The following COG6 variants were observed in gnomAD, a reference collection of about 807,000 sequenced individuals.
The protein encoded by COG6 is component of oligomeric golgi complex 6, also known as conserved oligomeric Golgi complex subunit 6.
Under a neutral mutation model 88.8 loss-of-function variants are expected in COG6, and 74 were observed. That is an observed-to-expected ratio of 0.83 (90% confidence interval 0.69 to 1.01). The LOEUF is 1.01. Among genes scored for constraint, COG6 ranks in the 50% least tolerant of loss-of-function variants. The probability of loss-of-function intolerance (pLI) is 0.00; values close to 1 mark genes in which losing one functional copy is unlikely to be tolerated. For synonymous variants in COG6, 286 were observed against 278.7 expected (o/e 1.03, Z -0.26); for missense variants, 800 against 797.9 (o/e 1.00, Z -0.03).
In COG6 at chr13:39,659,466, A is replaced by G. The variant is rs1874755255; in HGVS notation, c.256A>G (p.Ile86Val). The G allele has an allele frequency of 1.2e-6, 2 of 1,613,492 alleles. No homozygotes were observed. Among genetic ancestry groups the G allele is most frequent in the South Asian group, 1.1e-5 (1 of 91,074 alleles). Residue 86 changes from isoleucine to valine, a missense_variant, in exon 2 of 19, where the codon ATC (isoleucine) becomes GTC (valine). Coordinates refer to ENST00000455146, the MANE Select transcript of COG6 (RefSeq NM_020751.3). The part of the protein sequence containing the change: ...RGDIERKSLA[I>V]NEEFVSIFKE... ...AGATATTGAACGTAAAAGTTTAGCC[A>G]TCAATGAAGAATTTGTAAGCATTTT...
At chr13:39,752,723 G>A, downstream of COG6, 1 of 1,088,260 alleles carries the variant, frequency 9.2e-7, no homozygotes, top group Non-Finnish European at 1.1e-6. Flanking sequence ...TACAACATAG[G>A]GCAAAACTGA....
intron 8 of COG6, among the ~76,000 whole-genome samples, chr13:39,685,157 A>G (rs935924759): frequency 3.9e-5 from 6 of 152,100 alleles, no homozygotes; most frequent in Non-Finnish European, 7.4e-5. Context: ...CTTTAACTGT[A>G]GCTAAACACA....
intron 15 of COG6, among the ~76,000 whole-genome samples, chr13:39,721,632 T>C (rs186133099): frequency 6.6e-6 from 1 of 152,230 alleles, no homozygotes; most frequent in East Asian, 1.9e-4. Flanking sequence ...CTGGATTCGG[T>C]GTGATAGAGG....
At chr13:39,718,099 T>G (rs1878630370) in intron 13 of COG6, among the ~76,000 whole-genome samples, 1 of 152,160 alleles carries the variant, frequency 6.6e-6, no homozygotes, top group South Asian at 2.1e-4. Context: ...CATCTGGACT[T>G]CAGAGAATGT....
intron 4 of COG6, among the ~76,000 whole-genome samples, chr13:39,672,161 G>T (rs1875686236): frequency 6.6e-6 from 1 of 151,942 alleles, no homozygotes; most frequent in Non-Finnish European, 1.5e-5. Context: ...TTAAGGAGTG[G>T]AAAGTATCAA....
At chr13:39,769,112 C>A (rs549684888) in intron 18 of COG6, among the ~76,000 whole-genome samples, 2 of 147,094 alleles carry the variant, frequency 1.4e-5, no homozygotes, top group African/African-American at 5.0e-5. Flanking sequence ...AAGTTAGTCA[C>A]CCTCCTGTCA....
At chr13:39,768,929 A>G (rs1239809994) in intron 18 of COG6, among the ~76,000 whole-genome samples, 2 of 151,956 alleles carry the variant, frequency 1.3e-5, no homozygotes, top group African/African-American at 4.8e-5. Flanking sequence ...GTTTTATCAC[A>G]TATGTATGTA....
At chr13:39,701,721 T>C (rs529216592) in intron 13 of COG6, among the ~76,000 whole-genome samples, 3 of 152,026 alleles carry the variant, frequency 2.0e-5, no homozygotes, top group African/African-American at 7.2e-5. Context: ...TTTAGTCCTG[T>C]GGTGGAGATA....
intron 13 of COG6, among the ~76,000 whole-genome samples, chr13:39,708,114 A>G (rs991599177): frequency 6.6e-6 from 1 of 152,008 alleles, no homozygotes; most frequent in African/African-American, 2.4e-5. Context: ...TGTAGTTTGC[A>G]TTTTTCTCAA....
intron 18 of COG6, among the ~76,000 whole-genome samples, chr13:39,780,714 T>G (rs2138187615): frequency 6.6e-6 from 1 of 152,266 alleles, no homozygotes; most frequent in East Asian, 1.9e-4. Flanking sequence ...CAGGCAAAAC[T>G]TACCCTTCAG....
chr13:39,685,073 T>G (rs1248350427), intron 8 of COG6, among the ~76,000 whole-genome samples: 4 of 152,188 alleles, frequency 2.6e-5, no homozygotes, highest in Non-Finnish European at 4.4e-5. Flanking sequence ...AAGAGGCACT[T>G]CTTTACTATT....
intron 18 of COG6, among the ~76,000 whole-genome samples, chr13:39,741,399 A>G (rs1032714896): frequency 1.3e-5 from 2 of 152,224 alleles, no homozygotes; most frequent in African/African-American, 4.8e-5. Context: ...TTAACAGTGT[A>G]GAGAAGACCT....
chr13:39,764,308 C>T (rs1291914179), intron 18 of COG6, among the ~76,000 whole-genome samples: 1 of 144,554 alleles, frequency 6.9e-6, no homozygotes, highest in African/African-American at 2.5e-5. Flanking sequence ...TTTCAAAGAA[C>T]CTATGTTTTA....
intron 3 of COG6, among the ~76,000 whole-genome samples, chr13:39,662,927 T>C (rs927615913): frequency 2.0e-5 from 3 of 152,058 alleles, no homozygotes; most frequent in Non-Finnish European, 4.4e-5. Flanking sequence ...CTTTTTCTTA[T>C]AGAATGTTGT....
At chr13:39,785,496 A>T (rs1352971848) in intron 18 of COG6, 1 of 152,206 alleles carries the variant, frequency 6.6e-6, no homozygotes, top group Non-Finnish European at 1.5e-5. Context: ...ATAACCCACT[A>T]CCATCAGACC....
At chr13:39,682,492 C>A in intron 8 of COG6, 1 of 449,740 alleles carries the variant, frequency 2.2e-6, no homozygotes, top group East Asian at 4.3e-5. Flanking sequence ...GTCTCTGTAT[C>A]TAGACTACCT....
At chr13:39,764,194 T>C (rs972357763) in intron 18 of COG6, among the ~76,000 whole-genome samples, 1 of 151,916 alleles carries the variant, frequency 6.6e-6, no homozygotes, top group East Asian at 1.9e-4. Flanking sequence ...TGTTCTATCA[T>C]TTTAGTTTTT....
At chr13:39,723,858 A>G (rs1878985040) in intron 16 of COG6, among the ~76,000 whole-genome samples, 1 of 152,062 alleles carries the variant, frequency 6.6e-6, no homozygotes, top group African/African-American at 2.4e-5. Flanking sequence ...TATAAATAGC[A>G]GTCATCTTCT....
intron 18 of COG6, among the ~76,000 whole-genome samples, chr13:39,735,208 A>G (rs1879670678): frequency 6.6e-6 from 1 of 151,266 alleles, no homozygotes; most frequent in African/African-American, 2.4e-5. Flanking sequence ...TTTTTTAGTG[A>G]AGGTGATTTT....
Sources: allele counts gnomAD v4.1 joint callset (sites outside exome capture counted in the v4.1 genomes callset), GRCh38; gene constraint gnomAD v4.1.1; transcripts MANE v1.5; gene names NCBI Gene and HGNC (gene_info 2026-07-23, HGNC 2026-07-21).